Variants in ADAMTS14 observed in about 807,000 individuals in gnomAD.
The protein encoded by ADAMTS14 is A disintegrin and metalloproteinase with thrombospondin motifs 14.
ADAMTS14 carries 100 observed loss-of-function variants against 128.6 expected under a neutral mutation model. The ratio of observed to expected loss-of-function variants is 0.78; its 90% CI spans 0.66 to 0.92. The LOEUF (loss-of-function observed/expected upper bound fraction) is 0.92, where lower values mean the gene tolerates loss of function less well. ADAMTS14 is among the 40% of genes least tolerant of loss of function. The probability of loss-of-function intolerance (pLI) is 0.00; values close to 1 mark genes in which losing one functional copy is unlikely to be tolerated. For missense variants in ADAMTS14, 1,562 were observed against 1,658.6 expected (o/e 0.94, Z 1.01); for synonymous variants, 665 against 653.8 (o/e 1.02, Z -0.26).
intron 10 of ADAMTS14, among the ~76,000 whole-genome samples, chr10:70,737,518 C>T (rs1026607121): frequency 3.3e-5 from 5 of 152,194 alleles, no homozygotes; most frequent in South Asian, 4.1e-4. Flanking sequence ...GAGGTGGTTC[C>T]TCAGCATCAG....
At position 70,730,439 on chromosome 10, in the gene ADAMTS14, C is replaced by A. The variant is rs559942600; in HGVS notation, c.1102+190C>A. On this transcript the variant is annotated intron_variant, in intron 6 of 21. Transcript: ENST00000373207. Reference sequence around the variant, plus strand: ...ACCGTGGGAAGTAGAGGGGTCCCTACTCTTGTCCCCGATATTTTGGTGGAG... The same window carrying A: ...ACCGTGGGAAGTAGAGGGGTCCCTAATCTTGTCCCCGATATTTTGGTGGAG... 2.1e-4 allele frequency among the ~76,000 whole-genome samples: 32 copies of A among 152,316 alleles called. No homozygotes were observed. In the South Asian group the frequency reaches 6.2e-3, roughly 30 times the overall value.
chr10:70,740,207 TG>T (rs1162954425), intron 11 of ADAMTS14, among the ~76,000 whole-genome samples: 1 of 152,250 alleles, frequency 6.6e-6, no homozygotes, highest in Admixed American at 6.5e-5. Flanking sequence ...TCAAGCACTT[TG>T]TGCTAGGTGG....
rs188001743 is a variant in ADAMTS14 at position 70,749,511 on chromosome 10, C to T, written c.2264-311C>T. Among the ~76,000 whole-genome samples, 3 of 152,210 alleles carry T rather than the reference C, an allele frequency of 2.0e-5. No homozygotes were observed. The East Asian group carries it at 5.8e-4, about 29-fold the overall frequency. ...ACTCCCTGGAGGAGAGGAGATTATGCTGAGCCTCAACCATGGGTAGAGGTT... is the reference window on the plus strand; with the variant it reads ...ACTCCCTGGAGGAGAGGAGATTATGTTGAGCCTCAACCATGGGTAGAGGTT... On this transcript the variant is annotated intron_variant, in intron 15 of 21. Transcript: ENST00000373207.
intron 2 of ADAMTS14, among the ~76,000 whole-genome samples, chr10:70,697,466 T>C (rs1289134900): frequency 6.6e-6 from 1 of 152,236 alleles, no homozygotes. Context: ...TCTTCTGTGC[T>C]CCTCTTGGAG....
chr10:70,742,598 G>A (rs1056462058), intron 12 of ADAMTS14, among the ~76,000 whole-genome samples: 7 of 152,224 alleles, frequency 4.6e-5, no homozygotes, highest in Non-Finnish European at 8.8e-5. Context: ...AGGGAATCTT[G>A]GTTTGAAAGC....
Position 70,743,612 on chromosome 10 carries a change from G to A in ADAMTS14, c.1989G>A (p.Gln663=). 6.2e-7 allele frequency: 1 copy of A among 1,612,906 alleles called. No homozygotes were observed. Among genetic ancestry groups the A allele is most frequent in the Admixed American group, 1.7e-5 (1 of 59,636 alleles). The change falls in exon 13 of 22, where the codon CAG becomes CAA. Residue 663 remains glutamine (Q), a synonymous_variant. Coordinates refer to ENST00000373207, the MANE Select transcript of ADAMTS14 (RefSeq NM_080722.4). Reference sequence around the variant, plus strand: ...CGGGGGACGTGGTGTTCATGAACCAGGTGGTTCACGATGGGACACGCTGCA... The same window carrying A: ...CGGGGGACGTGGTGTTCATGAACCAAGTGGTTCACGATGGGACACGCTGCA... ...ADTGDVVFMN[Q]VVHDGTRCSY... is the part of the protein sequence containing the mutation.
intron 15 of ADAMTS14, among the ~76,000 whole-genome samples, chr10:70,747,650 G>A (rs574360644): frequency 1.3e-5 from 2 of 152,328 alleles, no homozygotes; most frequent in Non-Finnish European, 2.9e-5. Context: ...TTCTGTGGAG[G>A]TCATGGCAGA....
At chr10:70,680,616 G>C (rs917741737) in intron 2 of ADAMTS14, among the ~76,000 whole-genome samples, 1 of 152,114 alleles carries the variant, frequency 6.6e-6, no homozygotes, top group Non-Finnish European at 1.5e-5. Context: ...CTGTAGGAAG[G>C]GCAGAGGAAC....
intron 9 of ADAMTS14, 91 bp from the exon 10 acceptor site, chr10:70,736,589 C>T: frequency 8.1e-7 from 1 of 1,240,110 alleles, no homozygotes; most frequent in Non-Finnish European, 1.1e-6. Context: ...GGTGCCTGCA[C>T]TCATCACACC....
At chr10:70,680,319 C>T (rs1445451829) in intron 2 of ADAMTS14, among the ~76,000 whole-genome samples, 1 of 150,362 alleles carries the variant, frequency 6.7e-6, no homozygotes, top group Admixed American at 6.6e-5. Context: ...AGAATCGCAT[C>T]GCTTGAACCC....
Position 70,752,237 on chromosome 10 carries a change from C to A in ADAMTS14, c.2729+10C>A. On this transcript the variant is annotated intron_variant, in intron 18 of 21. Transcript: ENST00000373207. ...CGTGCTCTCAGCCTGTGTGAGTGCTCCCAGGGAGGGACGGGGAGTCTGGTT... is the reference window on the plus strand; with the variant it reads ...CGTGCTCTCAGCCTGTGTGAGTGCTACCAGGGAGGGACGGGGAGTCTGGTT... The A allele has an allele frequency of 6.2e-7, 1 of 1,613,080 alleles. No homozygotes were observed.
In ADAMTS14 at chr10:70,758,213, G is replaced by A. The variant is rs758515444; in HGVS notation, c.3106G>A (p.Glu1036Lys). Residue 1036 changes from glutamate to lysine, a missense_variant, in exon 21 of 22, where the codon GAA becomes AAA. Transcript: ENST00000373207. The stretch of plus-strand genomic sequence containing the variant: ...CTCCACGGTGAGGGCCGATGTCTGG[G>A]AACTTGGGACGCCAGAGGGGCAGTG... ...QNSTVRADVW[E>K]LGTPEGQWVP... 1.2e-6 allele frequency: 2 copies of A among 1,614,228 alleles called. No homozygotes were observed. The highest frequency in any genetic ancestry group is 1.1e-5 in the South Asian group (1 of 91,082).
At chr10:70,720,725 A>G (rs1036003155) in intron 4 of ADAMTS14, among the ~76,000 whole-genome samples, 4 of 152,256 alleles carry the variant, frequency 2.6e-5, no homozygotes, top group Non-Finnish European at 5.9e-5. Flanking sequence ...GTGCACACAT[A>G]TAATACGGGT....
At chr10:70,732,498 C>T (rs1456183823) in intron 7 of ADAMTS14, 139 bp downstream of exon 7, 13 of 719,998 alleles carry the variant, frequency 1.8e-5, no homozygotes, top group African/African-American at 8.9e-5. Context: ...ACTGCCACTG[C>T]GGCATGGCCT....
At chr10:70,727,331 C>T (rs1010388764) in intron 4 of ADAMTS14, among the ~76,000 whole-genome samples, 7 of 152,318 alleles carry the variant, frequency 4.6e-5, no homozygotes, top group East Asian at 1.9e-4. Context: ...TACTCTTCTC[C>T]GTGTGGTGGA....
rs377541226 is a variant in ADAMTS14, at chr10:70,702,450, G to A, written c.661G>A (p.Gly221Arg). ...AVQQEWAEPD[G>R]DLHNEAFGLG... is the part of the protein sequence containing the mutation. Reference sequence around the variant, plus strand: ...CCAGCAGGAGTGGGCAGAACCTGACGGGGACCTGCACAATGAAGGTAGGCT... The same window carrying A: ...CCAGCAGGAGTGGGCAGAACCTGACAGGGACCTGCACAATGAAGGTAGGCT... Residue 221 changes from glycine to arginine, a missense_variant, in exon 3 of 22, where the codon GGG becomes AGG. Transcript: ENST00000373207. 29 of 1,610,478 alleles carry A rather than the reference G, an allele frequency of 1.8e-5. No individual in the cohort carries two copies. The highest frequency in any genetic ancestry group is 1.5e-4 in the Admixed American group (9 of 59,756).
chr10:70,721,019 C>CTTTTTTTTTTTTTTTTTTTTT (rs56656736), intron 4 of ADAMTS14, among the ~76,000 whole-genome samples: 2 of 84,336 alleles, frequency 2.4e-5, no homozygotes, highest in Admixed American at 1.5e-4. Context: ...TCTCTTTTTT[C>CTTTTTTTTTTTTTTTTTTTTT]TTTTTTTTTT....
chr10:70,688,007 C>T (rs1419005895), intron 2 of ADAMTS14, among the ~76,000 whole-genome samples: 1 of 63,374 alleles, frequency 1.6e-5, no homozygotes, highest in Non-Finnish European at 3.2e-5. Flanking sequence ...GGCTGCCGGG[C>T]GGAGACGCTC....
chr10:70,701,157 G>A lies in ADAMTS14; in HGVS notation c.523-1155G>A, dbSNP rs377740136. On this transcript the variant is annotated intron_variant, in intron 2 of 21. Coordinates refer to ENST00000373207, the MANE Select transcript of ADAMTS14 (RefSeq NM_080722.4). ...GGTTGGCTGCTGCTGGAGGCTTAGT[G>A]ATGGGTGTTCAGTCGGACTTGGAGG... Among the ~76,000 whole-genome samples the A allele has an allele frequency of 3.1e-4, 47 of 152,356 alleles. 1 individual carries two copies. The East Asian group carries it at 8.5e-3, about 27-fold the overall frequency.
Sources: gnomAD v4.1 joint callset for allele counts (sites outside exome capture counted in the v4.1 genomes callset) on GRCh38, gnomAD v4.1.1 for gene constraint, MANE v1.5 for transcripts, NCBI Gene and HGNC (gene_info 2026-07-23, HGNC 2026-07-21) for gene names.